Variants in SLC5A8 observed in about 807,000 individuals in gnomAD.
SLC5A8 encodes sodium-coupled monocarboxylate transporter 1.
A neutral mutation model predicts 71.9 loss-of-function variants in SLC5A8; 55 were observed. That is an observed-to-expected ratio of 0.77 (90% CI 0.62 to 0.96). SLC5A8 has a LOEUF of 0.96. Among genes scored for constraint, SLC5A8 ranks in the 40% least tolerant of loss-of-function variants. SLC5A8 has a pLI of 0.00. For missense variants in SLC5A8, 701 were observed against 745.3 expected (o/e 0.94, Z 0.69); for synonymous variants, 307 against 276.1 (o/e 1.11, Z -1.11).
chr12:101,166,901 G>T (rs185251778), intron 11 of SLC5A8, among the ~76,000 whole-genome samples: 1 of 152,148 alleles, frequency 6.6e-6, no homozygotes, highest in East Asian at 1.9e-4. Flanking sequence ...TGAATGAAAG[G>T]TATTGAGGCA....
intron 2 of SLC5A8, among the ~76,000 whole-genome samples, chr12:101,202,743 T>TTTTCATTAATATTTCATTAATAA (rs1444915849): frequency 6.6e-6 from 1 of 152,168 alleles, no homozygotes; most frequent in African/African-American, 2.4e-5. Context: ...ACATTCAATC[T>TTTTCATTAATATTTCATTAATAA]TTTTAATATT....
At chr12:101,165,416 T>C (rs1043776390) in intron 12 of SLC5A8, among the ~76,000 whole-genome samples, 1 of 152,174 alleles carries the variant, frequency 6.6e-6, no homozygotes, top group Admixed American at 6.6e-5. Context: ...CTTTTCTCCC[T>C]TTCTGACTCT....
At chr12:101,168,308 T>C in intron 10 of SLC5A8, 126 bp from the exon 11 acceptor site, 5 of 856,428 alleles carry the variant, frequency 5.8e-6, no homozygotes, top group Non-Finnish European at 8.9e-6. Context: ...GTTTCAGTCA[T>C]GATAGCCTTA....
intron 10 of SLC5A8, among the ~76,000 whole-genome samples, chr12:101,177,905 A>G (rs1371377970): frequency 6.6e-6 from 1 of 152,182 alleles, no homozygotes; most frequent in Non-Finnish European, 1.5e-5. Flanking sequence ...AATAAAAGGC[A>G]TTCATACAGA....
chr12:101,203,337 T>C (rs1566325884), intron 2 of SLC5A8, among the ~76,000 whole-genome samples: 1 of 152,148 alleles, frequency 6.6e-6, no homozygotes, highest in African/African-American at 2.4e-5. Flanking sequence ...CAGCAAATCC[T>C]AAGGCAGCTT....
intron 3 of SLC5A8, among the ~76,000 whole-genome samples, chr12:101,195,784 C>A (rs1214087047): frequency 6.7e-6 from 1 of 150,174 alleles, no homozygotes; most frequent in African/African-American, 2.5e-5. Context: ...GCAATCTCCA[C>A]CTCCTGGGTT....
At chr12:101,194,060 C>A (rs559942781) in intron 4 of SLC5A8, among the ~76,000 whole-genome samples, 1 of 152,086 alleles carries the variant, frequency 6.6e-6, no homozygotes. Flanking sequence ...CTGAATGGGG[C>A]CAGATACATT....
chr12:101,159,279 A>G (rs1437064172), intron 13 of SLC5A8, among the ~76,000 whole-genome samples: 1 of 152,208 alleles, frequency 6.6e-6, no homozygotes, highest in African/African-American at 2.4e-5. Flanking sequence ...TCAATTTTAA[A>G]TGAATTCGTT....
intron 13 of SLC5A8, among the ~76,000 whole-genome samples, chr12:101,161,327 A>G (rs1318758874): frequency 6.6e-6 from 1 of 152,210 alleles, no homozygotes; most frequent in Non-Finnish European, 1.5e-5. Context: ...TAGAAAACCC[A>G]ACACAGGAAC....
chr12:101,196,126 A>C (rs2671443), intron 3 of SLC5A8, among the ~76,000 whole-genome samples: 79,155 of 151,882 alleles, frequency 0.52, 21,922 homozygotes, highest in African/African-American at 0.72. Context: ...TACCCATTAA[A>C]CCATTTGTTG....
intron 5 of SLC5A8, among the ~76,000 whole-genome samples, chr12:101,191,502 A>G (rs1409621320): frequency 6.6e-6 from 1 of 152,182 alleles, no homozygotes; most frequent in African/African-American, 2.4e-5. Context: ...CATGTCTAAC[A>G]TTTCATATCA....
chr12:101,167,916 A>G (rs1291945085), intron 11 of SLC5A8, among the ~76,000 whole-genome samples, 180 bp downstream of exon 11: 1 of 152,198 alleles, frequency 6.6e-6, no homozygotes, highest in Non-Finnish European at 1.5e-5. Context: ...AGCTTCACAC[A>G]TTTAGGGTCC....
chr12:101,189,372 A>C (rs1020775753), intron 6 of SLC5A8, among the ~76,000 whole-genome samples: 21 of 152,164 alleles, frequency 1.4e-4, no homozygotes, highest in African/African-American at 5.1e-4. Context: ...AGATTTAGGT[A>C]ATCTCTAAAC....
At chr12:101,163,222 G>C (rs577377070) in intron 12 of SLC5A8, among the ~76,000 whole-genome samples, 2 of 152,324 alleles carry the variant, frequency 1.3e-5, no homozygotes, top group South Asian at 4.1e-4. Flanking sequence ...AAGTGAAAGA[G>C]TAACATGAAC....
intron 7 of SLC5A8, among the ~76,000 whole-genome samples, chr12:101,184,458 G>A (rs1868522850): frequency 6.6e-6 from 1 of 152,152 alleles, no homozygotes; most frequent in Non-Finnish European, 1.5e-5. Flanking sequence ...TGTAACTGAA[G>A]TTCTGAGCCT....
intron 3 of SLC5A8, among the ~76,000 whole-genome samples, chr12:101,200,009 C>A (rs1268314327): frequency 2.1e-4 from 2 of 9,610 alleles, no homozygotes; most frequent in East Asian, 4.8e-3. Flanking sequence ...GTACTACCAG[C>A]AAAAAAAAAA....
At chr12:101,173,429 G>C (rs192530588) in intron 10 of SLC5A8, among the ~76,000 whole-genome samples, 36 of 152,310 alleles carry the variant, frequency 2.4e-4, no homozygotes, top group African/African-American at 7.7e-4. Context: ...GTGATGACTG[G>C]TGACACCTGT....
In SLC5A8 at chr12:101,182,818, T is replaced by C; in HGVS notation, c.1150A>G (p.Ile384Val). Residue 384 changes from isoleucine to valine, a missense_variant, in exon 9 of 15, where the codon ATT (isoleucine) becomes GTT (valine). Coordinates refer to ENST00000536262, the MANE Select transcript of SLC5A8 (RefSeq NM_145913.5). ...AGAAACTTACTCATTCCTTGGGAAATCCAAGACAGAGACCTTTCTGAGAGC... is the reference window on the plus strand; with the variant it reads ...AGAAACTTACTCATTCCTTGGGAAACCCAAGACAGAGACCTTTCTGAGAGC... ...RSLSERSLSW[I>V]SQGMSVVYGA... The C allele has an allele frequency of 6.3e-7, 1 of 1,585,324 alleles. No individual in the cohort carries two copies. The highest frequency in any genetic ancestry group is 8.6e-7 in the Non-Finnish European group (1 of 1,169,194).
Position 101,187,438 on chromosome 12 carries a change from C to G in SLC5A8, c.911G>C (p.Arg304Thr), listed in dbSNP as rs200418643. 46 of 1,613,908 alleles carry G rather than the reference C, an allele frequency of 2.9e-5. No individual in the cohort carries two copies. In the African/African-American group the frequency reaches 5.9e-4, roughly 21 times the overall value. ...TGTCCAAGGATCACAGTCATGGTACCTGGAATATAGGGCGAGCCCACAAAA... is the reference window on the plus strand; with the variant it reads ...TGTCCAAGGATCACAGTCATGGTACGTGGAATATAGGGCGAGCCCACAAAA... ...SVFCGLALYS[R>T]YHDCDPWTAK... is the part of the protein sequence containing the mutation. The change falls in exon 7 of 15, where the codon AGG (arginine) becomes ACG (threonine). Residue 304 changes from arginine (R) to threonine (T), a missense_variant. Arg to Thr is a moderately conservative substitution (Grantham distance 71). Coordinates refer to ENST00000536262, the MANE Select transcript of SLC5A8 (RefSeq NM_145913.5).
Sources: allele counts gnomAD v4.1 joint callset (sites outside exome capture counted in the v4.1 genomes callset), GRCh38; gene constraint gnomAD v4.1.1; transcripts MANE v1.5; gene names NCBI Gene and HGNC (gene_info 2026-07-23, HGNC 2026-07-21).